The following PPM1E variants were observed in gnomAD, a reference collection of about 807,000 sequenced individuals.
PPM1E encodes the protein protein phosphatase, Mg2+/Mn2+ dependent 1E.
PPM1E carries 20 observed loss-of-function variants against 65.9 expected under a neutral mutation model. That is an observed-to-expected ratio of 0.30 (90% CI 0.21 to 0.44). The LOEUF (loss-of-function observed/expected upper bound fraction) is 0.44. Ranked by LOEUF, PPM1E falls within the 20% of genes least tolerant of loss-of-function variation. The probability of loss-of-function intolerance (pLI) is 1.00; values close to 1 mark genes in which losing one functional copy is unlikely to be tolerated. For synonymous variants in PPM1E, 352 were observed against 374.9 expected, an observed-to-expected ratio of 0.94 and a Z score of 0.70; for missense variants, 713 against 953.1, an observed-to-expected ratio of 0.75 and a Z score of 3.32.
chr17:58,872,648 A>C (rs1156302568), intron 1 of PPM1E, among the ~76,000 whole-genome samples: 1 of 152,232 alleles, frequency 6.6e-6, no homozygotes, highest in African/African-American at 2.4e-5. Flanking sequence ...TTCTGTCTTC[A>C]TGTATAGTCT....
intron 1 of PPM1E, among the ~76,000 whole-genome samples, chr17:58,802,012 C>T (rs1348346075): frequency 6.6e-6 from 1 of 152,100 alleles, no homozygotes; most frequent in Non-Finnish European, 1.5e-5. Context: ...CCCACCTCAG[C>T]CTCCCAAAGT....
intron 1 of PPM1E, among the ~76,000 whole-genome samples, chr17:58,950,968 C>T (rs1432833122): frequency 1.3e-5 from 2 of 151,704 alleles, no homozygotes; most frequent in African/African-American, 2.4e-5. Flanking sequence ...TTAGTAGAGA[C>T]GGGGTTTCAC....
At chr17:58,843,121 T>C (rs2050736261) in intron 1 of PPM1E, among the ~76,000 whole-genome samples, 1 of 151,656 alleles carries the variant, frequency 6.6e-6, no homozygotes, top group African/African-American at 2.4e-5. Flanking sequence ...TTGTCTCTAC[T>C]AAAAATACAA....
At chr17:58,893,346 A>C (rs999751475) in intron 1 of PPM1E, among the ~76,000 whole-genome samples, 1 of 152,224 alleles carries the variant, frequency 6.6e-6, no homozygotes, top group African/African-American at 2.4e-5. Context: ...TAGTGAAAGA[A>C]GCCAATTTGA....
chr17:58,867,359 A>C (rs2051017316), intron 1 of PPM1E, among the ~76,000 whole-genome samples: 1 of 152,234 alleles, frequency 6.6e-6, no homozygotes, highest in South Asian at 2.1e-4. Context: ...CTATATTATT[A>C]ATTGCTATTA....
At chr17:58,846,376 C>T (rs867023099) in intron 1 of PPM1E, among the ~76,000 whole-genome samples, 51 of 152,046 alleles carry the variant, frequency 3.4e-4, no homozygotes, top group Admixed American at 8.5e-4. Context: ...CCCATTAACT[C>T]GTCATTTAGC....
At position 58,981,490 on chromosome 17, in the gene PPM1E, C is replaced by G. The variant is rs1331447885; in HGVS notation, c.*459C>G. The G allele has an allele frequency of 1.3e-5, 2 of 154,082 alleles. No homozygotes were observed. The highest frequency in any genetic ancestry group is 4.8e-5 in the African/African-American group (2 of 41,464). The allele number at this position is 154,082 out of a possible 1,614,324, so 9.5% of individuals were successfully genotyped here. ...TGGTTGGGAAATGTCCCTCAAAATCCTGGGCACTATGAAGGAACCCCCTGC... is the reference window on the plus strand; with the variant it reads ...TGGTTGGGAAATGTCCCTCAAAATCGTGGGCACTATGAAGGAACCCCCTGC... On this transcript the variant is annotated 3_prime_UTR_variant, in exon 7 of 7. Coordinates refer to ENST00000308249, the MANE Select transcript of PPM1E (RefSeq NM_014906.5).
chr17:58,904,750 AT>A (rs1354472728), intron 1 of PPM1E, among the ~76,000 whole-genome samples: 1 of 150,916 alleles, frequency 6.6e-6, no homozygotes, highest in African/African-American at 2.4e-5. Flanking sequence ...TACATGTTTC[AT>A]TTTGGGGGGT....
At chr17:58,850,176 A>G (rs2050811932) in intron 1 of PPM1E, among the ~76,000 whole-genome samples, 1 of 151,810 alleles carries the variant, frequency 6.6e-6, no homozygotes, top group South Asian at 2.1e-4. Context: ...GTGTCTCTGC[A>G]TGTGAGATGG....
At chr17:58,964,601 CTCTG>C (rs2030153860) in intron 2 of PPM1E, among the ~76,000 whole-genome samples, 1 of 152,138 alleles carries the variant, frequency 6.6e-6, no homozygotes, top group African/African-American at 2.4e-5. Context: ...TCTGGCTGCT[CTCTG>C]TCTTTTTCTA....
At position 58,821,040 on chromosome 17, in the gene PPM1E, GATT is replaced by G. The variant is rs995023128; in HGVS notation, c.464+64588_464+64590del. Among the ~76,000 whole-genome samples, 18 of 151,992 alleles carry G rather than the reference GATT, an allele frequency of 1.2e-4. No homozygotes were observed. The East Asian group carries it at 2.9e-3, about 24-fold the overall frequency. On this transcript the variant is annotated intron_variant, in intron 1 of 6. Coordinates refer to ENST00000308249, the MANE Select transcript of PPM1E (RefSeq NM_014906.5). ...TAAGTGATAAGTTGTTCACATAAGT[GATT>G]ATTATTATATATAATTAATATTATA... is the stretch of plus-strand genomic sequence containing the variant.
chr17:58,772,838 C>G (rs2049953777), intron 1 of PPM1E, among the ~76,000 whole-genome samples: 1 of 152,108 alleles, frequency 6.6e-6, no homozygotes, highest in Non-Finnish European at 1.5e-5. Flanking sequence ...AACTAAAAGT[C>G]ACAGACATGT....
chr17:58,877,465 T>C (rs1266296538), intron 1 of PPM1E, among the ~76,000 whole-genome samples: 2 of 152,190 alleles, frequency 1.3e-5, no homozygotes, highest in African/African-American at 4.8e-5. Flanking sequence ...AGTTTTCTGG[T>C]CCATATTTAC....
At chr17:58,774,165 C>CG (rs1263145640) in intron 1 of PPM1E, among the ~76,000 whole-genome samples, 10 of 150,698 alleles carry the variant, frequency 6.6e-5, no homozygotes, top group Non-Finnish European at 1.5e-4. Flanking sequence ...TCTGTCCCCC[C>CG]CCCCCAAAAA....
At chr17:58,887,491 G>T (rs1263970185) in intron 1 of PPM1E, among the ~76,000 whole-genome samples, 1 of 152,050 alleles carries the variant, frequency 6.6e-6, no homozygotes, top group East Asian at 1.9e-4. Context: ...TAAAAGTAAA[G>T]AACTGAAATA....
At chr17:58,798,232 T>TTG (rs1252896194) in intron 1 of PPM1E, among the ~76,000 whole-genome samples, 13 of 148,576 alleles carry the variant, frequency 8.7e-5, no homozygotes, top group African/African-American at 3.2e-4. Flanking sequence ...TTTTGTTTGT[T>TTG]TTTTTTTTTT....
chr17:58,938,859 A>T (rs1269570455), intron 1 of PPM1E, among the ~76,000 whole-genome samples: 1 of 132,696 alleles, frequency 7.5e-6, no homozygotes, highest in Admixed American at 9.3e-5. Context: ...CGCGATCTTG[A>T]CTCACTGCAA....
intron 1 of PPM1E, among the ~76,000 whole-genome samples, chr17:58,837,320 A>ACACACATACACAC (rs1567849044): frequency 1.2e-3 from 144 of 120,276 alleles, no homozygotes; most frequent in African/African-American, 4.3e-3. Context: ...GAATGAGAAT[A>ACACACATACACAC]ACACACACAC....
chr17:58,817,469 G>A (rs921508321), intron 1 of PPM1E, among the ~76,000 whole-genome samples: 2 of 152,116 alleles, frequency 1.3e-5, no homozygotes, highest in Non-Finnish European at 2.9e-5. Context: ...TTCATAAATT[G>A]TTATCATTTG....
Sources: allele counts gnomAD v4.1 joint callset (sites outside exome capture counted in the v4.1 genomes callset), GRCh38; gene constraint gnomAD v4.1.1; transcripts MANE v1.5; gene names NCBI Gene and HGNC (gene_info 2026-07-23, HGNC 2026-07-21).